ZBTB7C: variants seen among roughly 807,000 people sequenced by gnomAD.
The protein encoded by ZBTB7C is zinc finger and BTB domain containing 7C.
ZBTB7C carries 8 observed loss-of-function variants against 25.7 expected under a neutral mutation model. That is an observed-to-expected ratio of 0.31 (90% CI 0.18 to 0.56). The LOEUF is 0.56. ZBTB7C is among the 20% of genes least tolerant of loss of function. The probability of loss-of-function intolerance (pLI) is 0.91; values close to 1 mark genes in which losing one functional copy is unlikely to be tolerated. For missense variants in ZBTB7C, 824 were observed against 855.2 expected (o/e 0.96, Z 0.46); for synonymous variants, 394 against 369.0 (o/e 1.07, Z -0.78).
chr18:48,233,541 C>T (rs1370669392), intron 2 of ZBTB7C, among the ~76,000 whole-genome samples: 2 of 152,208 alleles, frequency 1.3e-5, no homozygotes, highest in Non-Finnish European at 2.9e-5. Context: ...TATCTTACTG[C>T]CTACATTACT....
chr18:48,265,456 C>T (rs1231666267), intron 2 of ZBTB7C, among the ~76,000 whole-genome samples: 2 of 152,230 alleles, frequency 1.3e-5, no homozygotes, highest in East Asian at 1.9e-4. Flanking sequence ...TTAAGCTGGG[C>T]AAGTTATTTA....
rs914399629 is a variant in ZBTB7C, at chr18:48,102,985, G to T, written c.-16-61862C>A. 7.3e-5 allele frequency among the ~76,000 whole-genome samples: 11 copies of T among 150,580 alleles called. No homozygotes were observed. The East Asian group carries it at 1.9e-3, about 26-fold the overall frequency. ...CTGATGACATTTATAAAGAAGAGAG[G>T]CAGGAAAGACAAATATAAGACAGGG... On this transcript the variant is annotated intron_variant, in intron 3 of 4. Transcript: ENST00000590800.
At chr18:48,209,890 C>T (rs12232733) in intron 2 of ZBTB7C, among the ~76,000 whole-genome samples, 43,727 of 151,850 alleles carry the variant, frequency 0.29, 6,703 homozygotes, top group East Asian at 0.54. Flanking sequence ...GCAACCCACA[C>T]TTGGTAGAAA....
At position 48,343,050 on chromosome 18, in the gene ZBTB7C, C is replaced by G. The variant is rs1053503517; in HGVS notation, c.-303-4652G>C. On this transcript the variant is annotated intron_variant, in intron 1 of 4. Transcript: ENST00000590800. ...TCAGGCCACCCGGTACAAACACAGC[C>G]CAGCATCAAGAAAACAGCACTGAAT... is the stretch of plus-strand genomic sequence containing the variant. Among the ~76,000 whole-genome samples, 22 of 152,254 alleles carry G rather than the reference C, an allele frequency of 1.4e-4. No homozygotes were observed. In the South Asian group the frequency reaches 1.5e-3, roughly 10 times the overall value.
intron 3 of ZBTB7C, among the ~76,000 whole-genome samples, chr18:48,167,589 TGTGTGTGTGC>T (rs1299568100): frequency 2.0e-5 from 3 of 151,480 alleles, no homozygotes; most frequent in African/African-American, 2.5e-5. Flanking sequence ...TGTGTGTGTG[TGTGTGTGTGC>T]GCGCGTGCAC....
chr18:48,337,421 G>A (rs542762764), intron 2 of ZBTB7C, among the ~76,000 whole-genome samples: 61 of 152,274 alleles, frequency 4.0e-4, no homozygotes, highest in African/African-American at 1.4e-3. Context: ...CCACCTTTGG[G>A]GTCTCCAGCC....
intron 2 of ZBTB7C, among the ~76,000 whole-genome samples, chr18:48,227,591 C>T (rs1043337314): frequency 2.6e-5 from 4 of 152,186 alleles, no homozygotes. Context: ...TTTACACTGT[C>T]ATTACTGTAA....
At chr18:48,310,120 C>T (rs1489991554) in intron 2 of ZBTB7C, among the ~76,000 whole-genome samples, 2 of 152,022 alleles carry the variant, frequency 1.3e-5, no homozygotes, top group African/African-American at 4.8e-5. Flanking sequence ...GTCCCAGCTA[C>T]TCGGGAGGCT....
chr18:48,342,772 G>A (rs1023480694), intron 1 of ZBTB7C, among the ~76,000 whole-genome samples: 3 of 152,080 alleles, frequency 2.0e-5, no homozygotes, highest in African/African-American at 7.2e-5. Context: ...TGGAGACAGC[G>A]CTGTTAAGTG....
At chr18:48,268,958 CTTT>C (rs140699441) in intron 2 of ZBTB7C, among the ~76,000 whole-genome samples, 2 of 118,994 alleles carry the variant, frequency 1.7e-5, no homozygotes, top group Middle Eastern at 4.2e-3. Context: ...TGCTCTGTTT[CTTT>C]TTTTTTTTTT....
chr18:48,367,670 C>T (rs1203179682), intron 1 of ZBTB7C, among the ~76,000 whole-genome samples: 1 of 152,076 alleles, frequency 6.6e-6, no homozygotes, highest in Non-Finnish European at 1.5e-5. Context: ...CTGCGGCCCA[C>T]CCTCCCCATG....
At chr18:48,409,626 C>T (rs548150997), upstream of ZBTB7C, among the ~76,000 whole-genome samples, 113 of 151,772 alleles carry the variant, frequency 7.4e-4, no homozygotes, top group African/African-American at 2.6e-3. Flanking sequence ...CAGCCCCCGC[C>T]CGGCTCCGCT....
At chr18:48,059,769 T>C (rs1480865033) in intron 3 of ZBTB7C, among the ~76,000 whole-genome samples, 2 of 151,300 alleles carry the variant, frequency 1.3e-5, no homozygotes, top group Non-Finnish European at 2.9e-5. Flanking sequence ...TAAAGAATCA[T>C]AAAAAAAAAT....
intron 2 of ZBTB7C, among the ~76,000 whole-genome samples, chr18:48,308,086 G>C (rs2144777780): frequency 6.6e-6 from 1 of 152,250 alleles, no homozygotes; most frequent in East Asian, 1.9e-4. Flanking sequence ...CATAAAGGAA[G>C]AGGCACCCAA....
chr18:48,245,038 C>A (rs866321599), intron 2 of ZBTB7C, among the ~76,000 whole-genome samples: 2 of 147,876 alleles, frequency 1.4e-5, no homozygotes, highest in South Asian at 4.3e-4. Flanking sequence ...AAATACGGAA[C>A]CAACCCAAAT....
At chr18:48,209,136 CT>C (rs1322446831) in intron 2 of ZBTB7C, among the ~76,000 whole-genome samples, 3 of 152,222 alleles carry the variant, frequency 2.0e-5, no homozygotes, top group African/African-American at 7.2e-5. Flanking sequence ...GGGGTCTCAG[CT>C]AATGCAGTAT....
At chr18:48,386,705 C>T (rs2047757066) in intron 1 of ZBTB7C, among the ~76,000 whole-genome samples, 2 of 152,234 alleles carry the variant, frequency 1.3e-5, no homozygotes, top group Non-Finnish European at 2.9e-5. Context: ...CCCGTCTCTG[C>T]AAGGACGCTC....
intron 2 of ZBTB7C, among the ~76,000 whole-genome samples, chr18:48,246,528 A>AT (rs1431496565): frequency 6.6e-6 from 1 of 151,972 alleles, no homozygotes; most frequent in Non-Finnish European, 1.5e-5. Flanking sequence ...GAAAATGGAA[A>AT]TAAAAAAACA....
At chr18:48,165,092 A>G in intron 3 of ZBTB7C, 1 of 1,286,280 alleles carries the variant, frequency 7.8e-7, no homozygotes, top group Non-Finnish European at 1.0e-6. Context: ...CCCACAAACA[A>G]GTATGGTTAC....
Sources: gnomAD v4.1 joint callset for allele counts (sites outside exome capture counted in the v4.1 genomes callset) on GRCh38, gnomAD v4.1.1 for gene constraint, MANE v1.5 for transcripts, NCBI Gene and HGNC (gene_info 2026-07-23, HGNC 2026-07-21) for gene names.